Variants in TCF4 observed in about 807,000 individuals in gnomAD.
TCF4 encodes the protein SL3-3 enhancer factor 2.
TCF4 carries 3 observed loss-of-function variants against 82.1 expected under a neutral mutation model. The ratio of observed to expected loss-of-function variants is 0.04; its 90% CI spans 0.02 to 0.09. The LOEUF (loss-of-function observed/expected upper bound fraction) is 0.09, where lower values mean the gene tolerates loss of function less well. TCF4 is among the 10% of genes least tolerant of loss of function. TCF4 has a pLI of 1.00. For missense variants in TCF4, 518 were observed against 852.7 expected (o/e 0.61, Z 4.89); for synonymous variants, 276 against 309.6 (o/e 0.89, Z 1.14).
chr18:55,464,704 C>G (rs2095969441), intron 3 of TCF4, among the ~76,000 whole-genome samples: 1 of 151,922 alleles, frequency 6.6e-6, no homozygotes, highest in Admixed American at 6.6e-5. Flanking sequence ...TAGGTTAAGA[C>G]AATACTGTCT....
intron 8 of TCF4, among the ~76,000 whole-genome samples, chr18:55,333,746 C>G: frequency 6.6e-6 from 1 of 152,114 alleles, no homozygotes; most frequent in East Asian, 1.9e-4. Flanking sequence ...TTGTTGTTTT[C>G]AAGACTGCAA....
intron 3 of TCF4, among the ~76,000 whole-genome samples, chr18:55,519,438 AAAG>A (rs1346432545): frequency 1.1e-4 from 17 of 151,958 alleles, no homozygotes; most frequent in African/African-American, 3.9e-4. Flanking sequence ...CGTCTCAAAA[AAAG>A]AAAAAAAAAA....
intron 3 of TCF4, among the ~76,000 whole-genome samples, chr18:55,517,625 A>C (rs930532203): frequency 6.6e-6 from 1 of 152,228 alleles, no homozygotes; most frequent in Non-Finnish European, 1.5e-5. Flanking sequence ...GAAAATGGAG[A>C]TATGAATAAT....
intron 6 of TCF4, among the ~76,000 whole-genome samples, chr18:55,387,559 T>C (rs1041861812): frequency 3.3e-5 from 5 of 152,252 alleles, no homozygotes; most frequent in Admixed American, 6.5e-5. Flanking sequence ...TAAACAGTGT[T>C]ATCAGTGATT....
At chr18:55,302,491 G>A (rs1474729294) in intron 8 of TCF4, 4 of 1,536,124 alleles carry the variant, frequency 2.6e-6, no homozygotes, top group Non-Finnish European at 3.5e-6. Context: ...TCATCCTGTG[G>A]TGTTGTTTGC....
At chr18:55,374,814 G>A (rs755399963) in intron 6 of TCF4, among the ~76,000 whole-genome samples, 24 of 142,084 alleles carry the variant, frequency 1.7e-4, no homozygotes, top group Non-Finnish European at 2.7e-4. Context: ...ACTGCAGTGA[G>A]CCATGATCAC....
intron 5 of TCF4, among the ~76,000 whole-genome samples, chr18:55,419,118 C>T (rs2094632706): frequency 6.6e-6 from 1 of 152,166 alleles, no homozygotes. Flanking sequence ...TCAACTCCTA[C>T]CTTGTTAACA....
chr18:55,617,411 T>C (rs2097713156), intron 2 of TCF4, among the ~76,000 whole-genome samples: 1 of 152,108 alleles, frequency 6.6e-6, no homozygotes, highest in Admixed American at 6.6e-5. Context: ...TTTGGCTATT[T>C]GAGATCTTTT....
intron 10 of TCF4, among the ~76,000 whole-genome samples, chr18:55,271,677 C>T (rs2060409348): frequency 6.6e-6 from 1 of 152,026 alleles, no homozygotes; most frequent in South Asian, 2.1e-4. Context: ...CCCAAAATTC[C>T]TTAGGCCACC....
At chr18:55,371,835 CAGCTGTGAGGTCCTGGA>C (rs1405338736) in intron 6 of TCF4, among the ~76,000 whole-genome samples, 1 of 152,170 alleles carries the variant, frequency 6.6e-6, no homozygotes, top group Non-Finnish European at 1.5e-5. Flanking sequence ...CTTCCACTCT[CAGCTGTGAGGTCCTGGA>C]AGCTGGGGTT....
At chr18:55,401,881 AG>A in intron 6 of TCF4, 1 of 869,590 alleles carries the variant, frequency 1.1e-6, no homozygotes, top group Middle Eastern at 5.9e-4. Flanking sequence ...ATCTGCAGAA[AG>A]GAAGGATGTT....
intron 5 of TCF4, among the ~76,000 whole-genome samples, chr18:55,406,932 G>A (rs2094122318): frequency 6.6e-6 from 1 of 152,190 alleles, no homozygotes; most frequent in Non-Finnish European, 1.5e-5. Flanking sequence ...GCAGTGCCAA[G>A]CCCCATGGCT....
At chr18:55,355,712 G>C (rs1350393836) in intron 6 of TCF4, among the ~76,000 whole-genome samples, 1 of 152,150 alleles carries the variant, frequency 6.6e-6, no homozygotes, top group African/African-American at 2.4e-5. Flanking sequence ...TTCAACAAAA[G>C]AGGACTTGGG....
intron 3 of TCF4, among the ~76,000 whole-genome samples, chr18:55,548,961 T>C (rs1056082318): frequency 1.3e-5 from 2 of 152,230 alleles, no homozygotes; most frequent in Non-Finnish European, 2.9e-5. Flanking sequence ...CCGTAGACTT[T>C]ATCAACATTG....
intron 8 of TCF4, among the ~76,000 whole-genome samples, chr18:55,308,770 A>T (rs886943418): frequency 2.6e-5 from 4 of 152,258 alleles, no homozygotes; most frequent in Admixed American, 1.3e-4. Context: ...ACAAGGTAGC[A>T]TTAAAATGTC....
chr18:55,377,538 C>T (rs949365216), intron 6 of TCF4, among the ~76,000 whole-genome samples: 20 of 152,180 alleles, frequency 1.3e-4, no homozygotes, highest in Non-Finnish European at 2.5e-4. Context: ...GTTGTACTTA[C>T]GTTTAACTGA....
chr18:55,268,117 G>A (rs951799584), intron 11 of TCF4: 2 of 152,030 alleles, frequency 1.3e-5, no homozygotes, highest in Non-Finnish European at 2.9e-5. Context: ...TCTCTCAAGA[G>A]GACTGTTTTG....
chr18:55,530,857 C>T (rs2097054939), intron 3 of TCF4, among the ~76,000 whole-genome samples: 1 of 152,028 alleles, frequency 6.6e-6, no homozygotes, highest in Non-Finnish European at 1.5e-5. Flanking sequence ...ATGAAACTAC[C>T]ACTAGACTGC....
At chr18:55,347,198 A>G (rs1260508708) in intron 8 of TCF4, among the ~76,000 whole-genome samples, 1 of 152,198 alleles carries the variant, frequency 6.6e-6, no homozygotes, top group Non-Finnish European at 1.5e-5. Context: ...GGTCTTCGCA[A>G]AAAACGAGGG....
Sources: allele counts gnomAD v4.1 joint callset (sites outside exome capture counted in the v4.1 genomes callset), GRCh38; gene constraint gnomAD v4.1.1; transcripts MANE v1.5; gene names NCBI Gene and HGNC (gene_info 2026-07-23, HGNC 2026-07-21).